Variants in SNX8 observed in about 807,000 individuals in gnomAD.
SNX8 encodes sorting nexin 8.
In SNX8, 25 loss-of-function variants were observed where a neutral mutation model predicts 51.6. That is an observed-to-expected ratio of 0.48 (90% CI 0.35 to 0.68). The LOEUF is 0.68. SNX8 is among the 30% of genes least tolerant of loss of function. The probability of loss-of-function intolerance (pLI) is 0.00; values close to 1 mark genes in which losing one functional copy is unlikely to be tolerated. For missense variants in SNX8, 695 were observed against 624.0 expected (o/e 1.11, Z -1.21); for synonymous variants, 324 against 277.0 (o/e 1.17, Z -1.68).
At chr7:2,280,347 C>A (rs763714168) in intron 1 of SNX8, among the ~76,000 whole-genome samples, 1 of 151,748 alleles carries the variant, frequency 6.6e-6, no homozygotes, top group Admixed American at 6.6e-5. Context: ...TACATGTTAG[C>A]GCACACCTGT....
intron 1 of SNX8, among the ~76,000 whole-genome samples, chr7:2,303,586 G>A (rs553112517): frequency 7.8e-4 from 119 of 152,328 alleles, no homozygotes; most frequent in African/African-American, 2.6e-3. Flanking sequence ...AGACATGGGA[G>A]ACTTTTCATT....
At chr7:2,292,498 G>A (rs932980222) in intron 1 of SNX8, among the ~76,000 whole-genome samples, 8 of 150,004 alleles carry the variant, frequency 5.3e-5, no homozygotes, top group African/African-American at 1.7e-4. Flanking sequence ...TGCAAGCTCC[G>A]CCTCCCAGGT....
At chr7:2,275,412 C>G (rs1271640219) in intron 2 of SNX8, among the ~76,000 whole-genome samples, 183 bp from the exon 3 acceptor site, 1 of 152,214 alleles carries the variant, frequency 6.6e-6, no homozygotes, top group Non-Finnish European at 1.5e-5. Flanking sequence ...CTTTGTATAG[C>G]TCTTAGGCCG....
At chr7:2,300,767 C>G (rs532012099) in intron 1 of SNX8, among the ~76,000 whole-genome samples, 4 of 152,190 alleles carry the variant, frequency 2.6e-5, no homozygotes, top group African/African-American at 9.6e-5. Context: ...CTCAGCCTCC[C>G]GAGTAGCTAG....
intron 1 of SNX8, among the ~76,000 whole-genome samples, chr7:2,280,345 A>G (rs1795881589): frequency 6.6e-6 from 1 of 152,118 alleles, no homozygotes; most frequent in Admixed American, 6.6e-5. Flanking sequence ...TTTACATGTT[A>G]GCGCACACCT....
intron 1 of SNX8, among the ~76,000 whole-genome samples, chr7:2,308,665 C>CAAAA (rs756364188): frequency 4.8e-5 from 3 of 63,098 alleles, no homozygotes; most frequent in African/African-American, 6.6e-5. Context: ...GACTCTGTCT[C>CAAAA]AAAAAAAAAA....
intron 7 of SNX8, among the ~76,000 whole-genome samples, 177 bp from the exon 8 acceptor site, chr7:2,257,980 A>T (rs545992969): frequency 6.8e-6 from 1 of 146,974 alleles, no homozygotes; most frequent in East Asian, 2.0e-4. Context: ...ACCCATTACC[A>T]GGCGGACACG....
chr7:2,254,965 G>T lies in SNX8; in HGVS notation c.*91C>A. 1.1e-6 allele frequency: 1 copy of T among 896,142 alleles called. No individual in the cohort carries two copies. The allele number at this position is 896,142 out of a possible 1,614,324, so 55.5% of individuals were successfully genotyped here. The stretch of plus-strand genomic sequence containing the variant: ...GCAGCACGGGGCGTGGCGGGGAGGG[G>T]AGCTGCCGTCCAAAGGGAATTACAC... On this transcript the variant is annotated 3_prime_UTR_variant, in exon 11 of 11. Transcript: ENST00000222990.
chr7:2,278,047 C>CGT, intron 2 of SNX8, 53 bp downstream of exon 2: 1 of 1,584,474 alleles, frequency 6.3e-7, no homozygotes, highest in Non-Finnish European at 8.6e-7. Context: ...GATGTTGAGA[C>CGT]GTGACCCTTT....
intron 10 of SNX8, among the ~76,000 whole-genome samples, chr7:2,256,487 G>A (rs1437417331): frequency 1.3e-5 from 2 of 152,384 alleles, no homozygotes; most frequent in East Asian, 1.9e-4. Flanking sequence ...ACCGCCATCT[G>A]CTCTGGAGGA....
At chr7:2,295,297 G>A (rs187424988) in intron 1 of SNX8, among the ~76,000 whole-genome samples, 80 of 150,066 alleles carry the variant, frequency 5.3e-4, no homozygotes, top group Non-Finnish European at 8.7e-4. Flanking sequence ...CCAGCTACTC[G>A]GGAGTCTGAG....
At chr7:2,292,967 C>T (rs901404379) in intron 1 of SNX8, among the ~76,000 whole-genome samples, 4 of 151,992 alleles carry the variant, frequency 2.6e-5, no homozygotes, top group South Asian at 2.1e-4. Flanking sequence ...CTGCAGTGAG[C>T]TACAATCGTG....
At chr7:2,277,460 G>T (rs983957249) in intron 2 of SNX8, among the ~76,000 whole-genome samples, 4 of 148,676 alleles carry the variant, frequency 2.7e-5, no homozygotes, top group Non-Finnish European at 6.0e-5. Context: ...AGGCTGGTGT[G>T]GATCCCGCTT....
chr7:2,349,209 CAA>C (rs1243485336), intron 1 of SNX8, among the ~76,000 whole-genome samples: 5 of 93,920 alleles, frequency 5.3e-5, no homozygotes, highest in Admixed American at 1.1e-4. Context: ...GTCTCAAAAA[CAA>C]AAAAAAAAAA....
intron 1 of SNX8, among the ~76,000 whole-genome samples, chr7:2,283,959 C>G (rs971630567): frequency 6.6e-6 from 1 of 152,162 alleles, no homozygotes; most frequent in Non-Finnish European, 1.5e-5. Flanking sequence ...CCATACCTGG[C>G]TAATTTTGCA....
chr7:2,265,026 C>A (rs1795431138), intron 5 of SNX8, among the ~76,000 whole-genome samples: 1 of 152,048 alleles, frequency 6.6e-6, no homozygotes, highest in Non-Finnish European at 1.5e-5. Context: ...CAGAACGAGA[C>A]TCTGTCTCAA....
intron 1 of SNX8, among the ~76,000 whole-genome samples, chr7:2,283,104 A>G (rs187463678): frequency 0.02 from 2,997 of 151,940 alleles, 40 homozygotes; most frequent in South Asian, 0.043. Context: ...CTGGGCGACA[A>G]AACCAGACTC....
intron 1 of SNX8, among the ~76,000 whole-genome samples, chr7:2,312,763 C>A (rs190379854): frequency 4.6e-5 from 7 of 152,220 alleles, no homozygotes; most frequent in Admixed American, 1.3e-4. Flanking sequence ...TGTCCCCCCC[C>A]ACCAAGAAGA....
Position 2,275,141 on chromosome 7 carries a change from G to A in SNX8, c.389C>T (p.Pro130Leu). 6.2e-7 allele frequency: 1 copy of A among 1,613,878 alleles called. No individual in the cohort carries two copies. The highest frequency in any genetic ancestry group is 8.5e-7 in the Non-Finnish European group (1 of 1,179,716). ...LLHKFPYRMV[P>L]ALPPKRMLGA... ...CAGCATTCTCTTGGGTGGCAGGGCA[G>A]GCACCATACGGTAGGGGAACTTGTG... Residue 130 changes from proline to leucine, a missense_variant, in exon 3 of 11, where the codon CCT (proline) becomes CTT (leucine). By Grantham distance (98) the Pro-to-Leu change is moderately conservative. Coordinates refer to ENST00000222990, the MANE Select transcript of SNX8 (RefSeq NM_013321.4).
Sources: allele counts gnomAD v4.1 joint callset (sites outside exome capture counted in the v4.1 genomes callset), GRCh38; gene constraint gnomAD v4.1.1; transcripts MANE v1.5; gene names NCBI Gene and HGNC (gene_info 2026-07-23, HGNC 2026-07-21).